NUP54: variants seen among roughly 807,000 people sequenced by gnomAD.
NUP54 encodes the protein nucleoporin 54, also known as nucleoporin p54.
NUP54 carries 27 observed loss-of-function variants against 66.4 expected under a neutral mutation model. That is an observed-to-expected ratio of 0.41 (90% CI 0.30 to 0.56). The LOEUF is 0.56. NUP54 is among the 20% of genes least tolerant of loss of function. The pLI is 0.34. For synonymous variants in NUP54, 206 were observed against 210.7 expected, an observed-to-expected ratio of 0.98 and a Z score of 0.19; for missense variants, 486 against 596.3, an observed-to-expected ratio of 0.82 and a Z score of 1.93.
chr4:76,123,658 A>G (rs11729637), intron 9 of NUP54, among the ~76,000 whole-genome samples: 19,988 of 152,046 alleles, frequency 0.13, 1,536 homozygotes, highest in East Asian at 0.35. Flanking sequence ...AACTACAGGC[A>G]CAAGCAACCA....
Position 76,130,710 on chromosome 4 carries a change from G to T in NUP54, c.1002C>A (p.Leu334=). The T allele has an allele frequency of 6.2e-7, 1 of 1,613,684 alleles. No homozygotes were observed. The highest frequency in any genetic ancestry group is 8.5e-7 in the Non-Finnish European group (1 of 1,179,794). The stretch of plus-strand genomic sequence containing the variant: ...TCTGATCTTGAACCTTCAGTCTTCG[G>T]AGAAGTTCCTTAAAACCCACCATTG... The part of the protein sequence containing the change: ...PVPMVGFKEL[L]RRLKVQDQMT... The change falls in exon 8 of 12, where the codon CTC becomes CTA. Residue 334 remains leucine, a synonymous_variant. Transcript: ENST00000264883.
intron 9 of NUP54, among the ~76,000 whole-genome samples, chr4:76,122,575 T>A (rs920210984): frequency 6.6e-6 from 1 of 152,254 alleles, no homozygotes; most frequent in African/African-American, 2.4e-5. Context: ...AATAGCTGTT[T>A]ATAATTTCTT....
chr4:76,118,369 A>G, intron 9 of NUP54, 175 bp from the exon 10 acceptor site: 1 of 599,346 alleles, frequency 1.7e-6, no homozygotes, highest in Non-Finnish European at 2.9e-6. Context: ...AAGTTATCAT[A>G]TAAATACAAT....
intron 3 of NUP54, among the ~76,000 whole-genome samples, chr4:76,142,753 AG>A (rs1174222571): frequency 6.6e-6 from 1 of 152,250 alleles, no homozygotes; most frequent in African/African-American, 2.4e-5. Context: ...CAACTTGAAA[AG>A]GCTTGCACTG....
At chr4:76,141,145 A>G (rs1165125306) in intron 3 of NUP54, among the ~76,000 whole-genome samples, 1 of 138,494 alleles carries the variant, frequency 7.2e-6, no homozygotes, top group Non-Finnish European at 1.5e-5. Context: ...GGAGCTAATA[A>G]GTATGAGGAA....
At chr4:76,133,047 GATATAT>G (rs111375566) in intron 5 of NUP54, among the ~76,000 whole-genome samples, 1 of 111,660 alleles carries the variant, frequency 9.0e-6, no homozygotes. Context: ...AAATATATAT[GATATAT>G]ATATATATAT....
chr4:76,129,901 T>G (rs1730716640), intron 8 of NUP54, among the ~76,000 whole-genome samples: 1 of 136,276 alleles, frequency 7.3e-6, no homozygotes, highest in African/African-American at 2.7e-5. Flanking sequence ...TTAGCAAAGT[T>G]AAAAGAATTG....
chr4:76,116,026 T>G (rs979819552), intron 11 of NUP54, among the ~76,000 whole-genome samples: 4 of 152,204 alleles, frequency 2.6e-5, no homozygotes, highest in Non-Finnish European at 5.9e-5. Context: ...GGTACCATTA[T>G]CATCTCGACA....
rs1468628677 is a variant in NUP54, at chr4:76,132,577, T to C, written c.853A>G (p.Arg285Gly). 1 of 1,614,130 alleles carries C rather than the reference T, an allele frequency of 6.2e-7. No homozygotes were observed. The highest frequency in any genetic ancestry group is 8.5e-7 in the Non-Finnish European group (1 of 1,180,006). The change falls in exon 6 of 12, where the codon AGA (arginine) becomes GGA (glycine). Residue 285 changes from arginine to glycine, a missense_variant. By Grantham distance (125) the Arg-to-Gly change is moderately radical (BLOSUM62 -2). Coordinates refer to ENST00000264883, the MANE Select transcript of NUP54 (RefSeq NM_017426.4). ...ATCTGTGCAGGAGAAAGTTCTGTTC[T>C]AGTCATAGAAAGGGTTACACCAAGT... is the stretch of plus-strand genomic sequence containing the variant. The part of the protein sequence containing the change: ...QQLGVTLSMT[R>G]TELSPAQIKQ...
chr4:76,132,776 C>A, intron 5 of NUP54, 57 bp from the exon 6 acceptor site: 2 of 1,291,644 alleles, frequency 1.5e-6, no homozygotes, highest in Non-Finnish European at 2.2e-6. Flanking sequence ...TAGCGACAAA[C>A]CTCAGCATAT....
At chr4:76,147,478 C>A (rs1731552336) in intron 1 of NUP54, 2 of 1,289,142 alleles carry the variant, frequency 1.6e-6, no homozygotes, top group African/African-American at 3.0e-5. Flanking sequence ...GCAGTATCTA[C>A]CTGCACTTGC....
In NUP54 at chr4:76,136,261, T is replaced by A; in HGVS notation, c.447A>T (p.Gly149=). Residue 149 remains glycine (G), a synonymous_variant, in exon 4 of 12, where the codon GGA becomes GGT. Coordinates refer to ENST00000264883, the MANE Select transcript of NUP54 (RefSeq NM_017426.4). ...AKWNQLQAFW[G]TGKGYFNNNI... The stretch of plus-strand genomic sequence containing the variant: ...TATTGTTGAAATACCCTTTTCCTGT[T>A]CCCCAAAAGGCCTGCAGTTGATTCC... 1 of 1,614,120 alleles carries A rather than the reference T, an allele frequency of 6.2e-7. No homozygotes were observed. Among genetic ancestry groups the A allele is most frequent in the Non-Finnish European group, 8.5e-7 (1 of 1,179,998 alleles).
intron 6 of NUP54, 69 bp from the exon 7 acceptor site, chr4:76,131,353 T>C: frequency 2.2e-6 from 2 of 923,978 alleles, no homozygotes; most frequent in Non-Finnish European, 3.3e-6. Flanking sequence ...TGACAAAGGC[T>C]TTCCTAAAGC....
At chr4:76,136,157 A>T in intron 4 of NUP54, 29 bp downstream of exon 4, 7 of 1,467,696 alleles carry the variant, frequency 4.8e-6, no homozygotes, top group Non-Finnish European at 6.7e-6. Flanking sequence ...AAAATCTTCA[A>T]CTGAAGATAA....
intron 3 of NUP54, 70 bp from the exon 4 acceptor site, chr4:76,136,482 G>T: frequency 7.9e-7 from 1 of 1,265,524 alleles, no homozygotes; most frequent in Non-Finnish European, 1.1e-6. Flanking sequence ...CCTAGGCGTG[G>T]TAGGCAAAAT....
chr4:76,141,649 G>A (rs1392663920), intron 3 of NUP54, among the ~76,000 whole-genome samples: 1 of 152,126 alleles, frequency 6.6e-6, no homozygotes, highest in East Asian at 1.9e-4. Context: ...ATCTTGCTCA[G>A]ATTTTGGCAA....
In NUP54 at chr4:76,124,955, A is replaced by G. The variant is rs562948230; in HGVS notation, c.1057-199T>C. Among the ~76,000 whole-genome samples the G allele has an allele frequency of 1.2e-4, 19 of 152,258 alleles. No individual in the cohort carries two copies. The South Asian group carries it at 1.7e-3, about 13-fold the overall frequency. On this transcript the variant is annotated intron_variant, in intron 8 of 11. Transcript: ENST00000264883. ...ATTTTTTTAAAAGAATCATGCAAAG[A>G]TATCTTTAGAGCTCTAGGAAATTTA...
intron 3 of NUP54, among the ~76,000 whole-genome samples, chr4:76,139,760 T>C (rs1194191713): frequency 6.6e-6 from 1 of 152,170 alleles, no homozygotes; most frequent in African/African-American, 2.4e-5. Flanking sequence ...CGCTTGGGAT[T>C]TGCTCTCAAA....
intron 3 of NUP54, among the ~76,000 whole-genome samples, chr4:76,138,429 T>C (rs1409128575): frequency 6.6e-6 from 1 of 152,226 alleles, no homozygotes; most frequent in African/African-American, 2.4e-5. Context: ...ACACAGTCTC[T>C]CTTGGTTTTT....
Sources: allele counts gnomAD v4.1 joint callset (sites outside exome capture counted in the v4.1 genomes callset), GRCh38; gene constraint gnomAD v4.1.1; transcripts MANE v1.5; gene names NCBI Gene and HGNC (gene_info 2026-07-23, HGNC 2026-07-21).